The following IARS1 variants were observed in gnomAD, a reference collection of about 807,000 sequenced individuals.
IARS1 encodes the protein isoleucyl-tRNA synthetase 1.
A neutral mutation model predicts 168.2 loss-of-function variants in IARS1; 124 were observed. That is an observed-to-expected ratio of 0.74 (90% confidence interval 0.64 to 0.86). The LOEUF (loss-of-function observed/expected upper bound fraction) is 0.86, where lower values mean the gene tolerates loss of function less well. IARS1 is among the 40% of genes least tolerant of loss of function. The probability of loss-of-function intolerance (pLI) is 0.00; values close to 1 mark genes in which losing one functional copy is unlikely to be tolerated. For missense variants in IARS1, 1,452 were observed against 1,515.8 expected, an observed-to-expected ratio of 0.96 and a Z score of 0.70; for synonymous variants, 532 against 529.4, an observed-to-expected ratio of 1.00 and a Z score of -0.07.
chr9:92,280,437 C>T (rs1332621877), intron 7 of IARS1, among the ~76,000 whole-genome samples: 3 of 152,124 alleles, frequency 2.0e-5, no homozygotes, highest in East Asian at 1.9e-4. Flanking sequence ...CTAGTAACGA[C>T]GTGATGCCAC....
intron 5 of IARS1, chr9:92,286,113 A>T (rs543297497): frequency 2.9e-6 from 1 of 348,542 alleles, no homozygotes; most frequent in African/African-American, 2.1e-5. Flanking sequence ...CACGTCTGTA[A>T]TCGTAGCACT....
intron 33 of IARS1, among the ~76,000 whole-genome samples, chr9:92,222,167 A>C (rs1839755354): frequency 6.6e-6 from 1 of 151,842 alleles, no homozygotes; most frequent in Non-Finnish European, 1.5e-5. Flanking sequence ...AAATCCAAAA[A>C]TGAGCCAGCC....
chr9:92,252,581 A>C (rs898210934), intron 21 of IARS1, among the ~76,000 whole-genome samples: 4 of 151,866 alleles, frequency 2.6e-5, no homozygotes, highest in African/African-American at 9.7e-5. Flanking sequence ...AGCCTGGCCA[A>C]CGTGGTGAAA....
At chr9:92,251,936 T>C in intron 21 of IARS1, 51 bp from the exon 22 acceptor site, 1 of 1,286,858 alleles carries the variant, frequency 7.8e-7, no homozygotes, top group Non-Finnish European at 1.1e-6. Flanking sequence ...TAAGTGTTTA[T>C]CATTAAAAAA....
intron 7 of IARS1, 64 bp from the exon 8 acceptor site, chr9:92,278,350 T>C: frequency 1.8e-6 from 2 of 1,083,528 alleles, no homozygotes; most frequent in South Asian, 1.2e-5. Flanking sequence ...TCCAAAGACA[T>C]GCATCAAGCA....
intron 30 of IARS1, among the ~76,000 whole-genome samples, chr9:92,238,979 C>T (rs75491213): frequency 0.053 from 7,994 of 152,230 alleles, 276 homozygotes; most frequent in African/African-American, 0.08. Context: ...GCACACAGTA[C>T]ATCACTTCAC....
Position 92,274,454 on chromosome 9 carries a change from AC to A in IARS1, c.961del (p.Val321LeufsTer42). ...ACCGAAGTAAGGAGCTTGGTGGACAACCCCTGTGCCTTCTTCTTCCTTCACA... is the reference window on the plus strand; with the variant it reads ...ACCGAAGTAAGGAGCTTGGTGGACAACCCTGTGCCTTCTTCTTCCTTCACA... ...NYVKEEEGTG[V>X]VHQAPYFGAE... is the part of the protein sequence containing the mutation. On this transcript the variant is annotated frameshift_variant, in exon 10 of 34. Coordinates refer to ENST00000443024, the MANE Select transcript of IARS1 (RefSeq NM_002161.6). LOFTEE classifies it high-confidence loss of function. 1 of 1,613,920 alleles carries A rather than the reference AC, an allele frequency of 6.2e-7. No individual in the cohort carries two copies. The highest frequency in any genetic ancestry group is 8.5e-7 in the Non-Finnish European group (1 of 1,179,852).
chr9:92,285,976 G>A (rs1835389853), intron 5 of IARS1, 137 bp from the exon 6 acceptor site: 3 of 595,072 alleles, frequency 5.0e-6, no homozygotes, highest in African/African-American at 1.8e-5. Context: ...GAGACTGGCT[G>A]GTAAATTATA....
At chr9:92,228,944 A>T in intron 31 of IARS1, 57 bp downstream of exon 31, 1 of 1,600,762 alleles carries the variant, frequency 6.2e-7, no homozygotes, top group African/African-American at 1.3e-5. Flanking sequence ...GCAAATTAAG[A>T]CCTTCACCAA....
At chr9:92,247,127 G>C (rs1829311954) in intron 26 of IARS1, among the ~76,000 whole-genome samples, 1 of 152,162 alleles carries the variant, frequency 6.6e-6, no homozygotes, top group South Asian at 2.1e-4. Context: ...CTGGGAGGCA[G>C]AGGTTGCAGT....
chr9:92,281,605 C>A (rs1834582156), intron 6 of IARS1, among the ~76,000 whole-genome samples: 1 of 152,058 alleles, frequency 6.6e-6, no homozygotes, highest in East Asian at 1.9e-4. Context: ...GCAACACATA[C>A]TTGAAATTGT....
intron 11 of IARS1, 78 bp from the exon 12 acceptor site, chr9:92,271,154 C>T (rs1050046500): frequency 2.5e-6 from 2 of 798,120 alleles, no homozygotes; most frequent in East Asian, 2.7e-5. Flanking sequence ...AATCTGATAC[C>T]TTGTTATGAA....
At chr9:92,283,144 GTTAACAATCAATATA>G (rs1405538269) in intron 6 of IARS1, among the ~76,000 whole-genome samples, 1 of 152,116 alleles carries the variant, frequency 6.6e-6, no homozygotes, top group East Asian at 1.9e-4. Context: ...AAAACCCTTG[GTTAACAATCAATATA>G]CAGACCGCGT....
In IARS1 at chr9:92,265,139, G is replaced by A; in HGVS notation, c.1506-16C>T. ...GTGGTCAACACTAACAAACAGAAAA[G>A]TAGTCATTTCTATTAACTGTAAGCA... is the stretch of plus-strand genomic sequence containing the variant. On this transcript the variant is annotated splice_polypyrimidine_tract_variant and intron_variant, in intron 15 of 33. Coordinates refer to ENST00000443024, the MANE Select transcript of IARS1 (RefSeq NM_002161.6). 6.2e-7 allele frequency: 1 copy of A among 1,601,564 alleles called. No homozygotes were observed.
chr9:92,222,056 GC>G lies in IARS1; in HGVS notation c.3706+463del, dbSNP rs1839737141. Reference sequence around the variant, plus strand: ...TTATTGACCGGGCATCACGGCTCACGCCTGTAATCCCAGCACTTTGGGAGGC... The same window carrying G: ...TTATTGACCGGGCATCACGGCTCACGCTGTAATCCCAGCACTTTGGGAGGC... On this transcript the variant is annotated intron_variant, in intron 33 of 33. Transcript: ENST00000443024. 2.0e-5 allele frequency among the ~76,000 whole-genome samples: 3 copies of G among 152,196 alleles called. No individual in the cohort carries two copies. The South Asian group carries it at 6.2e-4, about 32-fold the overall frequency.
intron 5 of IARS1, 63 bp from the exon 6 acceptor site, chr9:92,285,902 T>C (rs1198613991): frequency 7.5e-6 from 7 of 938,648 alleles, no homozygotes; most frequent in Non-Finnish European, 1.2e-5. Flanking sequence ...TGCAAACATT[T>C]ATGCCATTTT....
At chr9:92,251,438 A>G (rs993058894) in intron 22 of IARS1, among the ~76,000 whole-genome samples, 43 of 152,258 alleles carry the variant, frequency 2.8e-4, no homozygotes, top group African/African-American at 1.0e-3. Context: ...TTTTTGTGAT[A>G]TATATATATT....
intron 33 of IARS1, among the ~76,000 whole-genome samples, chr9:92,214,590 G>A (rs1280752811): frequency 6.6e-6 from 1 of 152,252 alleles, no homozygotes; most frequent in Admixed American, 6.5e-5. Flanking sequence ...GAAGCAGGGC[G>A]AGGCATTGCC....
chr9:92,237,344 T>A (rs190568028), intron 30 of IARS1, among the ~76,000 whole-genome samples: 5 of 152,282 alleles, frequency 3.3e-5, no homozygotes, highest in African/African-American at 1.2e-4. Context: ...GTGGAGATTT[T>A]CATTATTATA....
Sources: allele counts gnomAD v4.1 joint callset (sites outside exome capture counted in the v4.1 genomes callset), GRCh38; gene constraint gnomAD v4.1.1; transcripts MANE v1.5; gene names NCBI Gene and HGNC (gene_info 2026-07-23, HGNC 2026-07-21).